SMG7: variants seen among roughly 807,000 people sequenced by gnomAD.
SMG7 encodes SMG7 nonsense mediated mRNA decay factor.
SMG7 carries 34 observed loss-of-function variants against 148.2 expected under a neutral mutation model. The ratio of observed to expected loss-of-function variants is 0.23; its 90% confidence interval spans 0.17 to 0.31. The LOEUF (loss-of-function observed/expected upper bound fraction) is 0.31. Among genes scored for constraint, SMG7 ranks in the 10% least tolerant of loss-of-function variants. The probability of loss-of-function intolerance (pLI) is 1.00; values close to 1 mark genes in which losing one functional copy is unlikely to be tolerated. For missense variants in SMG7, 1,114 were observed against 1,408.4 expected (o/e 0.79, Z 3.35); for synonymous variants, 492 against 515.1 (o/e 0.96, Z 0.61).
chr1:183,502,231 T>A (rs1659898845), intron 1 of SMG7: 2 of 1,418,818 alleles, frequency 1.4e-6, no homozygotes, highest in Non-Finnish European at 1.9e-6. Context: ...TAACTCATAT[T>A]TTCCTCCTCT....
intron 1 of SMG7, among the ~76,000 whole-genome samples, chr1:183,510,231 T>C (rs1661826554): frequency 6.6e-6 from 1 of 152,154 alleles, no homozygotes; most frequent in African/African-American, 2.4e-5. Flanking sequence ...CTAGTAAAGG[T>C]ACATAATTAA....
At chr1:183,473,449 G>A (rs1427083593) in intron 1 of SMG7, among the ~76,000 whole-genome samples, 2 of 152,002 alleles carry the variant, frequency 1.3e-5, no homozygotes, top group African/African-American at 4.8e-5. Flanking sequence ...GTCTGGGGTG[G>A]GGGGCGCGGC....
At chr1:183,502,115 CA>C (rs1557979750) in intron 1 of SMG7, 2 of 550,712 alleles carry the variant, frequency 3.6e-6, no homozygotes, top group Non-Finnish European at 5.8e-6. Context: ...AAACATTAAA[CA>C]AAAAAAGAAA....
intron 1 of SMG7, among the ~76,000 whole-genome samples, chr1:183,493,963 C>T (rs1292883364): frequency 6.6e-6 from 1 of 152,082 alleles, no homozygotes; most frequent in African/African-American, 2.4e-5. Context: ...ATCTATTTCT[C>T]TATTCCCTGT....
intron 1 of SMG7, among the ~76,000 whole-genome samples, chr1:183,483,301 C>T (rs1391618609): frequency 6.6e-6 from 1 of 152,038 alleles, no homozygotes; most frequent in African/African-American, 2.4e-5. Context: ...ATGGATGTGT[C>T]TGTTTTACTA....
intron 1 of SMG7, among the ~76,000 whole-genome samples, chr1:183,489,661 T>C (rs1656440050): frequency 6.6e-6 from 1 of 152,182 alleles, no homozygotes; most frequent in Admixed American, 6.5e-5. Context: ...TCTTCAATAA[T>C]GGTGAGACTT....
In SMG7 at chr1:183,533,117, G is replaced by T. The variant is rs767148086; in HGVS notation, c.844-47G>T. 33 of 1,539,336 alleles carry T rather than the reference G, an allele frequency of 2.1e-5. No individual in the cohort carries two copies. In the Admixed American group the frequency reaches 5.7e-4, roughly 27 times the overall value. On this transcript the variant is annotated intron_variant, in intron 8 of 22. Coordinates refer to ENST00000688051, the MANE Select transcript of SMG7 (RefSeq NM_001375584.1). ...AGTTTAATTTCTTGTGTCAAAGATG[G>T]TTCCTGTTCTTGATAATATATGCAG...
intron 13 of SMG7, among the ~76,000 whole-genome samples, chr1:183,541,492 C>T (rs1668844424): frequency 1.3e-5 from 2 of 152,170 alleles, no homozygotes; most frequent in African/African-American, 2.4e-5. Flanking sequence ...TGCTAGTAGC[C>T]AGTTAAGTAC....
chr1:183,485,205 A>G (rs550932935), intron 1 of SMG7, among the ~76,000 whole-genome samples: 3 of 152,204 alleles, frequency 2.0e-5, no homozygotes, highest in Non-Finnish European at 2.9e-5. Flanking sequence ...GGCTGATTCT[A>G]TCTGTATCTG....
chr1:183,478,254 T>G (rs559820109), intron 1 of SMG7, among the ~76,000 whole-genome samples: 2 of 152,286 alleles, frequency 1.3e-5, no homozygotes, highest in South Asian at 2.1e-4. Flanking sequence ...CCACGAAGTC[T>G]TCTTCACCTG....
In SMG7 at chr1:183,524,198, C is replaced by T. The variant is rs548897591; in HGVS notation, c.313-2398C>T. The stretch of plus-strand genomic sequence containing the variant: ...TGGGGCTTAAGTGAGCCTCCCGCCT[C>T]ACCCTTCCAAAGTACGGGGACTATA... On this transcript the variant is annotated intron_variant, in intron 4 of 22. Transcript: ENST00000688051. Among the ~76,000 whole-genome samples, 10 of 152,260 alleles carry T rather than the reference C, an allele frequency of 6.6e-5. No homozygotes were observed. The East Asian group carries it at 1.9e-3, about 29-fold the overall frequency.
intron 16 of SMG7, 90 bp downstream of exon 16, chr1:183,545,402 C>A: frequency 7.2e-7 from 1 of 1,398,596 alleles, no homozygotes. Context: ...TAAACTTTGA[C>A]ATACTTCTTG....
chr1:183,516,029 T>C, intron 3 of SMG7, 38 bp downstream of exon 3: 1 of 1,228,380 alleles, frequency 8.1e-7, no homozygotes. Flanking sequence ...CCCTGTAAGA[T>C]CAAGAATTTC....
intron 18 of SMG7, 126 bp from the exon 19 acceptor site, chr1:183,549,082 G>A: frequency 1.5e-6 from 1 of 673,806 alleles, no homozygotes; most frequent in South Asian, 1.9e-5. Context: ...CACATCTTCT[G>A]AGCCTCAAAT....
chr1:183,512,982 G>T, intron 2 of SMG7, 114 bp downstream of exon 2: 2 of 895,040 alleles, frequency 2.2e-6, no homozygotes, highest in South Asian at 1.8e-5. Flanking sequence ...TTGCCAAAAG[G>T]GATGATCATT....
chr1:183,524,467 G>A lies in SMG7; in HGVS notation c.313-2129G>A, dbSNP rs1378119943. ...AGTGAATTTCTTGCCCATTACAAAT[G>A]TACAAGTAAAGATGGAGTAAATAAT... is the stretch of plus-strand genomic sequence containing the variant. On this transcript the variant is annotated intron_variant, in intron 4 of 22. Coordinates refer to ENST00000688051, the MANE Select transcript of SMG7 (RefSeq NM_001375584.1). Among the ~76,000 whole-genome samples, 7 of 152,048 alleles carry A rather than the reference G, an allele frequency of 4.6e-5. No homozygotes were observed. In the East Asian group the frequency reaches 9.6e-4, roughly 21 times the overall value.
chr1:183,519,393 G>A (rs1048761646), intron 4 of SMG7, among the ~76,000 whole-genome samples: 2 of 151,538 alleles, frequency 1.3e-5, no homozygotes, highest in East Asian at 3.9e-4. Context: ...AATGCTTCTC[G>A]AGAGAGGGAT....
At position 183,545,147 on chromosome 1, in the gene SMG7, A is replaced by G. The variant is rs911851197; in HGVS notation, c.2205A>G (p.Gln735=). 3.7e-6 allele frequency: 6 copies of G among 1,613,894 alleles called. No homozygotes were observed. The highest frequency in any genetic ancestry group is 1.3e-5 in the African/African-American group (1 of 74,878). The change falls in exon 16 of 23, where the codon CAA becomes CAG. Residue 735 remains glutamine, a synonymous_variant. Transcript: ENST00000688051. ...GGCCAATGAACCAGGGACCTCAACA[A>G]TCACAGCCACCTTCCCAGCAACCCC... The part of the protein sequence containing the change: ...GPGPMNQGPQ[Q]SQPPSQQPLT...
intron 1 of SMG7, 70 bp downstream of exon 1, chr1:183,472,719 C>A (rs1490552300): frequency 1.5e-6 from 2 of 1,325,682 alleles, no homozygotes; most frequent in Non-Finnish European, 2.0e-6. Flanking sequence ...CAACAGACAC[C>A]GAGGTAAGTC....
Sources: gnomAD v4.1 joint callset for allele counts (sites outside exome capture counted in the v4.1 genomes callset) on GRCh38, gnomAD v4.1.1 for gene constraint, MANE v1.5 for transcripts, NCBI Gene and HGNC (gene_info 2026-07-23, HGNC 2026-07-21) for gene names.